Variants in WWOX observed in about 807,000 individuals in gnomAD.
The protein encoded by WWOX is WW domain-containing oxidoreductase.
A neutral mutation model predicts 46.2 loss-of-function variants in WWOX; 69 were observed. The observed-to-expected ratio is 1.49, with a 90% CI of 1.23 to 1.82. The LOEUF is 1.82. Among genes scored for constraint, WWOX ranks in the 40% most tolerant of loss-of-function variants. The pLI is 0.00. For synonymous variants in WWOX, 359 were observed against 202.6 expected, an observed-to-expected ratio of 1.77 and a Z score of -6.56; for missense variants, 919 against 542.6, an observed-to-expected ratio of 1.69 and a Z score of -6.89.
chr16:78,965,750 C>T (rs2046352622), intron 8 of WWOX, among the ~76,000 whole-genome samples: 1 of 152,148 alleles, frequency 6.6e-6, no homozygotes, highest in African/African-American at 2.4e-5. Context: ...TAAGCAGCAA[C>T]CTCTGCACAC....
chr16:78,816,773 T>G (rs1349644103), intron 8 of WWOX, among the ~76,000 whole-genome samples: 2 of 151,800 alleles, frequency 1.3e-5, no homozygotes, highest in East Asian at 3.9e-4. Flanking sequence ...TGTGGCTCAG[T>G]TTTTTTTGGT....
chr16:78,264,033 C>T (rs560198058), intron 5 of WWOX, among the ~76,000 whole-genome samples: 70 of 34,400 alleles, frequency 2.0e-3, no homozygotes, highest in African/African-American at 7.3e-3. Flanking sequence ...TGCTGTGGAG[C>T]GCAAAATGTT....
chr16:78,941,311 G>T (rs2045847057), intron 8 of WWOX, among the ~76,000 whole-genome samples: 1 of 152,132 alleles, frequency 6.6e-6, no homozygotes, highest in Non-Finnish European at 1.5e-5. Context: ...AGGACATTAG[G>T]GATGTCGCGC....
chr16:78,624,834 C>T (rs774502356), intron 8 of WWOX, among the ~76,000 whole-genome samples: 5 of 152,192 alleles, frequency 3.3e-5, no homozygotes, highest in African/African-American at 4.8e-5. Flanking sequence ...ATTTGTTTGC[C>T]TAAAGGAGCA....
intron 8 of WWOX, among the ~76,000 whole-genome samples, chr16:79,189,423 TTG>T (rs4035319): frequency 0.22 from 24,701 of 114,174 alleles, 2,415 homozygotes; most frequent in Non-Finnish European, 0.25. Flanking sequence ...ACTCCCAGCT[TTG>T]TGTGTGTGTG....
rs60560119 is a variant in WWOX, at chr16:78,734,841, CTTTTTTTTTTTTTTTTTTTTTTTTTTT to C, written c.1056+302105_1056+302131del. Among the ~76,000 whole-genome samples, 12 of 40,126 alleles carry C rather than the reference CTTTTTTTTTTTTTTTTTTTTTTTTTTT, an allele frequency of 3.0e-4. No individual in the cohort carries two copies. The East Asian group carries it at 4.2e-3, about 14-fold the overall frequency. 26.3% of individuals were successfully genotyped at this position (40,126 alleles called of 152,430 possible). A position where few individuals can be genotyped will look rare whatever the true frequency, so the allele number is the denominator to read the frequency against. On this transcript the variant is annotated intron_variant, in intron 8 of 8. Coordinates refer to ENST00000566780, the MANE Select transcript of WWOX (RefSeq NM_016373.4). Reference sequence around the variant, plus strand: ...GATGACTCAGGTGGGGACTTCAGTCCTTTTTTTTTTTTTTTTTTTTTTTTTTTTTTTTTTTTTTTTTTGAGATAGGGT... The same window carrying C: ...GATGACTCAGGTGGGGACTTCAGTCCTTTTTTTTTTTTTTTGAGATAGGGT...
intron 5 of WWOX, among the ~76,000 whole-genome samples, chr16:78,185,623 A>C (rs113389324): frequency 6.6e-6 from 1 of 152,170 alleles, no homozygotes; most frequent in Non-Finnish European, 1.5e-5. Flanking sequence ...TCATTCAAAG[A>C]AAATAAAAAG....
At chr16:78,882,430 A>C (rs1233884792) in intron 8 of WWOX, among the ~76,000 whole-genome samples, 1 of 151,412 alleles carries the variant, frequency 6.6e-6, no homozygotes, top group African/African-American at 2.4e-5. Flanking sequence ...AAATCATCCT[A>C]AGCTCCACTA....
intron 8 of WWOX, among the ~76,000 whole-genome samples, chr16:78,695,306 C>A (rs976381115): frequency 1.7e-4 from 26 of 152,228 alleles, no homozygotes; most frequent in African/African-American, 5.8e-4. Context: ...AGCTTCCCCC[C>A]ACTTTTTCTC....
At chr16:78,789,864 A>C (rs900141141) in intron 8 of WWOX, among the ~76,000 whole-genome samples, 1 of 152,148 alleles carries the variant, frequency 6.6e-6, no homozygotes, top group Non-Finnish European at 1.5e-5. Flanking sequence ...ATATGGCAGC[A>C]TGGTTAGGAT....
At chr16:79,139,202 C>A (rs938526461) in intron 8 of WWOX, among the ~76,000 whole-genome samples, 2 of 152,184 alleles carry the variant, frequency 1.3e-5, no homozygotes, top group Non-Finnish European at 2.9e-5. Flanking sequence ...AGCGTGCCTC[C>A]TAAGAGGGCA....
At chr16:78,645,895 C>T (rs953793336) in intron 8 of WWOX, among the ~76,000 whole-genome samples, 5 of 152,070 alleles carry the variant, frequency 3.3e-5, no homozygotes, top group African/African-American at 9.7e-5. Context: ...TTCTGGAGGC[C>T]ACCTGTGTTC....
chr16:78,483,082 A>G (rs1005118254), intron 8 of WWOX, among the ~76,000 whole-genome samples: 1 of 152,162 alleles, frequency 6.6e-6, no homozygotes, highest in Non-Finnish European at 1.5e-5. Flanking sequence ...GTTGGCTTCA[A>G]GGTTATGCCA....
Position 78,417,040 on chromosome 16 carries a change from G to GGGGTGTGTGTGTGTGTGTGTGT in WWOX, c.606-7829_606-7828insGGTGTGTGTGTGTGTGTGTGTG, listed in dbSNP as rs58277331. Reference sequence around the variant, plus strand: ...CCTTGAAGTCAGGTGACCCTTTGGGGGTGTGTGTGTGTTTGCTTCTTTATA... The same window carrying GGGGTGTGTGTGTGTGTGTGTGT: ...CCTTGAAGTCAGGTGACCCTTTGGGGGGGTGTGTGTGTGTGTGTGTGTGTGTGTGTGTGTTTGCTTCTTTATA... On this transcript the variant is annotated intron_variant, in intron 6 of 8. Coordinates refer to ENST00000566780, the MANE Select transcript of WWOX (RefSeq NM_016373.4). 6.7e-3 allele frequency among the ~76,000 whole-genome samples: 1,016 copies of GGGGTGTGTGTGTGTGTGTGTGT among 151,368 alleles called. 10 individuals carry two copies. The highest frequency in any genetic ancestry group is 0.024 in the African/African-American group (971 of 40,944).
At chr16:78,805,485 G>T (rs916650528) in intron 8 of WWOX, among the ~76,000 whole-genome samples, 4 of 151,808 alleles carry the variant, frequency 2.6e-5, no homozygotes, top group Non-Finnish European at 5.9e-5. Context: ...GGGTTTCACA[G>T]TGTTATGCAG....
At chr16:78,226,521 C>G (rs1480520286) in intron 5 of WWOX, among the ~76,000 whole-genome samples, 1 of 123,400 alleles carries the variant, frequency 8.1e-6, no homozygotes, top group African/African-American at 3.0e-5. Flanking sequence ...TTCCTTCCTT[C>G]TCTCCTTCTC....
intron 8 of WWOX, among the ~76,000 whole-genome samples, chr16:78,617,096 A>C (rs980275875): frequency 2.0e-5 from 3 of 152,134 alleles, no homozygotes; most frequent in African/African-American, 7.2e-5. Flanking sequence ...AACCCTCCAC[A>C]TCAACTGGTC....
intron 8 of WWOX, among the ~76,000 whole-genome samples, chr16:78,614,702 A>G (rs2045980025): frequency 6.6e-6 from 1 of 152,206 alleles, no homozygotes; most frequent in Non-Finnish European, 1.5e-5. Flanking sequence ...CTACATGAAG[A>G]GGGACGGGGC....
intron 8 of WWOX, among the ~76,000 whole-genome samples, chr16:78,694,359 G>A (rs1035772344): frequency 6.6e-6 from 1 of 152,094 alleles, no homozygotes; most frequent in Non-Finnish European, 1.5e-5. Context: ...GCAAATACTT[G>A]ACAAAAAGGG....
Sources: allele counts gnomAD v4.1 joint callset (sites outside exome capture counted in the v4.1 genomes callset), GRCh38; gene constraint gnomAD v4.1.1; transcripts MANE v1.5; gene names NCBI Gene and HGNC (gene_info 2026-07-23, HGNC 2026-07-21).